AGAP1: variants seen among roughly 807,000 people sequenced by gnomAD.
The protein encoded by AGAP1 is arf-GAP with GTPase, ANK repeat and PH domain-containing protein 1.
AGAP1 carries 29 observed loss-of-function variants against 105.3 expected under a neutral mutation model. The observed-to-expected ratio is 0.28, with a 90% CI of 0.21 to 0.38. The LOEUF (loss-of-function observed/expected upper bound fraction) is 0.38. Ranked by LOEUF, AGAP1 falls within the 10% of genes least tolerant of loss-of-function variation. The probability of loss-of-function intolerance (pLI) is 1.00; values close to 1 mark genes in which losing one functional copy is unlikely to be tolerated. For synonymous variants in AGAP1, 509 were observed against 485.9 expected (o/e 1.05, Z -0.63); for missense variants, 998 against 1,165.1 (o/e 0.86, Z 2.09).
At chr2:235,687,328 C>T (rs952913880) in intron 1 of AGAP1, among the ~76,000 whole-genome samples, 4 of 152,134 alleles carry the variant, frequency 2.6e-5, no homozygotes, top group African/African-American at 4.8e-5. Context: ...TTAAGTTCTC[C>T]GGTTCCATCA....
intron 1 of AGAP1, among the ~76,000 whole-genome samples, chr2:235,501,949 C>T (rs1279839524): frequency 1.3e-5 from 2 of 152,174 alleles, no homozygotes; most frequent in Non-Finnish European, 2.9e-5. Context: ...AAACAAAATG[C>T]ACTCTACAGA....
chr2:235,833,212 C>T (rs1334391332), intron 9 of AGAP1, among the ~76,000 whole-genome samples: 4 of 152,336 alleles, frequency 2.6e-5, no homozygotes, highest in Admixed American at 2.6e-4. Flanking sequence ...CACCGTCGGC[C>T]TGCCGCCGTG....
intron 6 of AGAP1, among the ~76,000 whole-genome samples, chr2:235,774,661 C>T (rs1352700493): frequency 6.6e-6 from 1 of 152,238 alleles, no homozygotes; most frequent in Non-Finnish European, 1.5e-5. Flanking sequence ...ACCCTAGATG[C>T]AGCAGGCTGC....
At chr2:235,890,675 C>G (rs181624759) in intron 10 of AGAP1, among the ~76,000 whole-genome samples, 26 of 152,304 alleles carry the variant, frequency 1.7e-4, no homozygotes, top group African/African-American at 6.3e-4. Flanking sequence ...GCTCAGGCTA[C>G]ATCCGTTCTA....
intron 9 of AGAP1, among the ~76,000 whole-genome samples, chr2:235,863,924 G>C (rs958680561): frequency 2.6e-5 from 4 of 152,342 alleles, no homozygotes; most frequent in Non-Finnish European, 4.4e-5. Flanking sequence ...AACAAGGGAA[G>C]TGTGTCATTC....
At chr2:235,832,106 G>A (rs886867537) in intron 9 of AGAP1, among the ~76,000 whole-genome samples, 12 of 152,282 alleles carry the variant, frequency 7.9e-5, no homozygotes, top group African/African-American at 2.6e-4. Flanking sequence ...TCTGTAGGTC[G>A]TCTTTGGTGA....
At chr2:235,676,945 T>A (rs1481139913) in intron 1 of AGAP1, among the ~76,000 whole-genome samples, 2 of 152,064 alleles carry the variant, frequency 1.3e-5, no homozygotes, top group African/African-American at 4.8e-5. Context: ...AGGGAGGAGA[T>A]TATTGTCTTT....
rs1048392954 is a variant in AGAP1 at position 235,888,593 on chromosome 2, A to G, written c.1155+5144A>G. Among the ~76,000 whole-genome samples the G allele has an allele frequency of 6.6e-6, 1 of 152,020 alleles. No individual in the cohort carries two copies. The highest frequency in any genetic ancestry group is 1.5e-5 in the Non-Finnish European group (1 of 68,004). On this transcript the variant is annotated intron_variant, in intron 10 of 17. Transcript: ENST00000304032. This position sits in a 1 kb window ranked among gnomAD's most constrained non-coding sequence, Gnocchi z 4.8. The stretch of plus-strand genomic sequence containing the variant: ...GTGGAGCACACCTGTAGTCCCAGCT[A>G]CTCAGGAGGCTGAGGCAGGAGGATC...
In AGAP1 at chr2:235,982,446, G is replaced by A. The variant is rs548562889; in HGVS notation, c.1645+13823G>A. Among the ~76,000 whole-genome samples, 34 of 152,294 alleles carry A rather than the reference G, an allele frequency of 2.2e-4. No homozygotes were observed. In the South Asian group the frequency reaches 6.6e-3, roughly 30 times the overall value. The stretch of plus-strand genomic sequence containing the variant: ...TCATAGCTAGGAGGTCAGAAGGAAG[G>A]GGGGACGATTCATGCAATGAGGCAC... On this transcript the variant is annotated intron_variant, in intron 13 of 17. Coordinates refer to ENST00000304032, the MANE Select transcript of AGAP1 (RefSeq NM_001037131.3). This position sits in a 1 kb window ranked among gnomAD's most constrained non-coding sequence, Gnocchi z 4.9.
chr2:236,016,499 G>C (rs935714789), intron 13 of AGAP1, among the ~76,000 whole-genome samples: 3 of 151,598 alleles, frequency 2.0e-5, no homozygotes, highest in Non-Finnish European at 4.4e-5. Context: ...ATAGAAAATT[G>C]GGGGACAGCA....
At position 235,582,728 on chromosome 2, in the gene AGAP1, G is replaced by A. The variant is rs1245264873; in HGVS notation, c.163+87879G>A. Among the ~76,000 whole-genome samples, 1 of 152,274 alleles carries A rather than the reference G, an allele frequency of 6.6e-6. No individual in the cohort carries two copies. Among genetic ancestry groups the A allele is most frequent in the African/African-American group, 2.4e-5 (1 of 41,484 alleles). ...GCCTGGGAGAAGTCAGAGAGAGGGG[G>A]CTCGTGGTCCTTCTTGGGCTCTCAT... On this transcript the variant is annotated intron_variant, in intron 1 of 17. Transcript: ENST00000304032. The surrounding 1 kb of genome is among the most constrained non-coding windows in gnomAD (Gnocchi z 4.7).
rs986996321 is a variant in AGAP1 at position 236,104,368 on chromosome 2, G to A, written c.2115-15824G>A. ...CGGGGCTGAGAAGTCCCCCAGCGGT[G>A]CTCCTAGACAGGTGGAGACCTCAAT... is the stretch of plus-strand genomic sequence containing the variant. On this transcript the variant is annotated intron_variant, in intron 16 of 17. Transcript: ENST00000304032. This position sits in a 1 kb window ranked among gnomAD's most constrained non-coding sequence, Gnocchi z 4.7. 1.3e-5 allele frequency among the ~76,000 whole-genome samples: 2 copies of A among 152,220 alleles called. No homozygotes were observed. The highest frequency in any genetic ancestry group is 6.5e-5 in the Admixed American group (1 of 15,290).
chr2:235,652,495 G>T (rs1385418785), intron 1 of AGAP1, among the ~76,000 whole-genome samples: 1 of 152,158 alleles, frequency 6.6e-6, no homozygotes, highest in Non-Finnish European at 1.5e-5. Context: ...CTATCTGTCT[G>T]GGGGTGGAGA....
intron 1 of AGAP1, among the ~76,000 whole-genome samples, chr2:235,651,501 C>T (rs1947592681): frequency 6.6e-6 from 1 of 152,126 alleles, no homozygotes; most frequent in African/African-American, 2.4e-5. Flanking sequence ...TGAAGATTCC[C>T]ATAGGCAAAT....
At chr2:235,685,391 G>C (rs1162250598) in intron 1 of AGAP1, among the ~76,000 whole-genome samples, 1 of 151,582 alleles carries the variant, frequency 6.6e-6, no homozygotes, top group Non-Finnish European at 1.5e-5. Context: ...CTCCTGTGTG[G>C]CTGCCTCTCT....
chr2:235,603,303 A>G (rs1466681769), intron 1 of AGAP1, among the ~76,000 whole-genome samples: 1 of 152,164 alleles, frequency 6.6e-6, no homozygotes, highest in Admixed American at 6.5e-5. Flanking sequence ...TGGAACTGTG[A>G]GTCCATTAAA....
At chr2:236,018,518 G>A (rs1344001135) in intron 13 of AGAP1, among the ~76,000 whole-genome samples, 2 of 152,186 alleles carry the variant, frequency 1.3e-5, no homozygotes, top group Non-Finnish European at 2.9e-5. Context: ...ATTATCATCC[G>A]CTGTGAGTTG....
At chr2:235,637,630 T>C (rs1947050266) in intron 1 of AGAP1, among the ~76,000 whole-genome samples, 1 of 152,086 alleles carries the variant, frequency 6.6e-6, no homozygotes, top group Non-Finnish European at 1.5e-5. Context: ...TTCGGACCAG[T>C]GGGCTGTATG....
intron 9 of AGAP1, among the ~76,000 whole-genome samples, chr2:235,816,805 C>T (rs1325817538): frequency 6.6e-6 from 1 of 151,856 alleles, no homozygotes; most frequent in Non-Finnish European, 1.5e-5. Context: ...GCATGAGAAT[C>T]GCTTGAACCC....
Sources: allele counts gnomAD v4.1 joint callset (sites outside exome capture counted in the v4.1 genomes callset), GRCh38; gene constraint gnomAD v4.1.1; non-coding constraint Gnocchi (gnomAD v3.1); transcripts MANE v1.5; gene names NCBI Gene and HGNC (gene_info 2026-07-23, HGNC 2026-07-21).